Variants in COL9A3 observed in about 807,000 individuals in gnomAD.
COL9A3 encodes collagen alpha-3(IX) chain.
A neutral mutation model predicts 110.2 loss-of-function variants in COL9A3; 82 were observed. The ratio of observed to expected loss-of-function variants is 0.74; its 90% confidence interval spans 0.62 to 0.89. The LOEUF (loss-of-function observed/expected upper bound fraction) is 0.89. COL9A3 is among the 40% of genes least tolerant of loss of function. The pLI is 0.00. For synonymous variants in COL9A3, 494 were observed against 403.8 expected, an observed-to-expected ratio of 1.22 and a Z score of -2.68; for missense variants, 1,066 against 981.3, an observed-to-expected ratio of 1.09 and a Z score of -1.15.
chr20:62,840,568 AAGGACGGCC>A lies in COL9A3; in HGVS notation c.1899_1907del (p.Gln634_Gly636del). 11 of 1,612,538 alleles carry A rather than the reference AAGGACGGCC, an allele frequency of 6.8e-6. No homozygotes were observed. Among genetic ancestry groups the A allele is most frequent in the Non-Finnish European group, 9.3e-6 (11 of 1,179,868 alleles). ...ACCCCAAGGCGTGCCCGGCACCAGCAAGGACGGCCAGGACGGTGCTCCCGGCGAGCCTGG... is the reference window on the plus strand; with the variant it reads ...ACCCCAAGGCGTGCCCGGCACCAGCAAGGACGGTGCTCCCGGCGAGCCTGG... On this transcript the variant is annotated inframe_deletion, in exon 32 of 32. Transcript: ENST00000649368.
intron 30 of COL9A3, 94 bp downstream of exon 30, chr20:62,837,359 C>T: frequency 1.4e-6 from 2 of 1,383,008 alleles, no homozygotes; most frequent in African/African-American, 1.4e-5. Flanking sequence ...TGCCATGCGC[C>T]CTCAGGGGTA....
Position 62,817,139 on chromosome 20 carries a change from G to T in COL9A3, c.75G>T (p.Ala25=). 5.7e-6 allele frequency: 8 copies of T among 1,394,178 alleles called. No homozygotes were observed. The highest frequency in any genetic ancestry group is 7.5e-6 in the Non-Finnish European group (8 of 1,068,384). The allele number at this position is 1,394,178 out of a possible 1,614,324, so 86.4% of individuals were successfully genotyped here. A position where few individuals can be genotyped will look rare whatever the true frequency, so the allele number is the denominator to read the frequency against. ...GGGAGCTTCTGGCGGCCGCCGGGGC[G>T]CAGGTGAGCGCGAGCTCCGGGCTCT... ...LLGELLAAAG[A]QRVGLPGPPG... The change falls in exon 1 of 32, where the codon GCG becomes GCT. Residue 25 remains alanine (A), a synonymous_variant. Coordinates refer to ENST00000649368, the MANE Select transcript of COL9A3 (RefSeq NM_001853.4).
rs374005910 is a variant in COL9A3, at chr20:62,820,306, C to T, written c.309+324C>T. ...CCCAGGGCCCTGGGCAGACCACCAC[C>T]AGGGACCCCCGGGCACGCAGCCTGC... On this transcript the variant is annotated intron_variant, in intron 5 of 31. Transcript: ENST00000649368. 1.1e-4 allele frequency among the ~76,000 whole-genome samples: 17 copies of T among 152,120 alleles called. No homozygotes were observed. The East Asian group carries it at 2.3e-3, about 21-fold the overall frequency.
rs1568755159 is a variant in COL9A3 at position 62,826,758 on chromosome 20, C to T, written c.739-9C>T. On this transcript the variant is annotated splice_polypyrimidine_tract_variant and intron_variant, in intron 14 of 31. Coordinates refer to ENST00000649368, the MANE Select transcript of COL9A3 (RefSeq NM_001853.4). ...CAAGAGGACCCCGGATCCCCTCTCTCCTCTGCAGGGTCCCATTGGGTTCCG... is the reference window on the plus strand; with the variant it reads ...CAAGAGGACCCCGGATCCCCTCTCTTCTCTGCAGGGTCCCATTGGGTTCCG... The T allele has an allele frequency of 9.3e-6, 15 of 1,612,652 alleles. No individual in the cohort carries two copies. Among genetic ancestry groups the T allele is most frequent in the Non-Finnish European group, 1.2e-5 (14 of 1,179,896 alleles).
In COL9A3 at chr20:62,840,923, A is replaced by C; in HGVS notation, c.*191A>C. 4 of 615,910 alleles carry C rather than the reference A, an allele frequency of 6.5e-6. No homozygotes were observed. Among genetic ancestry groups the C allele is most frequent in the Non-Finnish European group, 1.2e-5 (4 of 341,072 alleles). 38.2% of individuals were successfully genotyped at this position (615,910 alleles called of 1,614,324 possible). ...GCTGTCGCCTGACAGCATACCTCAA[A>C]AGGCCCTAGCTAATAAACCTGTAAG... On this transcript the variant is annotated 3_prime_UTR_variant, in exon 32 of 32. Coordinates refer to ENST00000649368, the MANE Select transcript of COL9A3 (RefSeq NM_001853.4).
At chr20:62,825,980 G>A (rs2063549225) in intron 13 of COL9A3, 110 bp downstream of exon 13, 2 of 1,299,470 alleles carry the variant, frequency 1.5e-6, no homozygotes, top group Non-Finnish European at 2.1e-6. Context: ...GGGGGTGTTT[G>A]GCCAACACCC....
At chr20:62,826,320 C>T (rs1229595498) in intron 14 of COL9A3, 63 bp downstream of exon 14, 2 of 1,435,260 alleles carry the variant, frequency 1.4e-6, no homozygotes, top group African/African-American at 2.8e-5. Context: ...GTCTGCACCT[C>T]CAGACTTCAG....
At chr20:62,837,321 C>CT (rs960956912) in intron 30 of COL9A3, 56 bp downstream of exon 30, 2 of 1,564,482 alleles carry the variant, frequency 1.3e-6, no homozygotes, top group Non-Finnish European at 8.7e-7. Context: ...CTGAGACTGA[C>CT]TTGTTAGTAG....
At chr20:62,840,479 T>C (rs2147235432) in intron 31 of COL9A3, 63 bp from the exon 32 acceptor site, 2 of 1,454,452 alleles carry the variant, frequency 1.4e-6, no homozygotes, top group Non-Finnish European at 1.9e-6. Context: ...CACAGCTGGA[T>C]GTCAAGTCCC....
intron 16 of COL9A3, among the ~76,000 whole-genome samples, chr20:62,827,591 G>A (rs572357366): frequency 5.9e-5 from 9 of 152,302 alleles, no homozygotes; most frequent in South Asian, 2.1e-4. Context: ...AACGGCTCTC[G>A]GGTTGAGCAA....
intron 29 of COL9A3, 33 bp downstream of exon 29, chr20:62,836,565 G>GC: frequency 1.4e-6 from 2 of 1,422,614 alleles, no homozygotes; most frequent in South Asian, 2.3e-5. Context: ...CTGCAGCGGG[G>GC]CCCATCCCCG....
chr20:62,816,980 G>C (rs1990941369), upstream of COL9A3: 1 of 774,978 alleles, frequency 1.3e-6, no homozygotes, highest in Non-Finnish European at 1.7e-6. Context: ...GGGCGGGAAG[G>C]GGAAGGGGAA....
At chr20:62,828,322 G>C (rs560501635) in intron 17 of COL9A3, among the ~76,000 whole-genome samples, 65 of 152,344 alleles carry the variant, frequency 4.3e-4, no homozygotes, top group Admixed American at 1.8e-3. Flanking sequence ...CCAGACCTGA[G>C]CTCCCTTCTA....
intron 31 of COL9A3, among the ~76,000 whole-genome samples, 190 bp downstream of exon 31, chr20:62,838,951 G>A (rs574472637): frequency 4.6e-5 from 7 of 152,180 alleles, no homozygotes; most frequent in African/African-American, 1.4e-4. Context: ...GGGGCTGGGC[G>A]CGGTGGCTTA....
intron 16 of COL9A3, 149 bp from the exon 17 acceptor site, chr20:62,827,774 C>A: frequency 1.3e-6 from 1 of 798,366 alleles, no homozygotes; most frequent in Non-Finnish European, 2.2e-6. Flanking sequence ...GTTTTCTCCA[C>A]GCACCCACAG....
chr20:62,835,782 C>A (rs894908571), intron 26 of COL9A3, 139 bp from the exon 27 acceptor site: 2 of 863,854 alleles, frequency 2.3e-6, no homozygotes, highest in Non-Finnish European at 3.9e-6. Flanking sequence ...TATAGAAGAA[C>A]GGAAGGAACC....
intron 16 of COL9A3, among the ~76,000 whole-genome samples, 197 bp from the exon 17 acceptor site, chr20:62,827,726 C>T (rs550229800): frequency 1.3e-5 from 2 of 152,338 alleles, no homozygotes; most frequent in South Asian, 2.1e-4. Context: ...TGCAGGGAGC[C>T]GCCGTGCCGT....
Position 62,830,592 on chromosome 20 carries a change from A to G in COL9A3, c.1287+4A>G, listed in dbSNP as rs754929176. On this transcript the variant is annotated splice_donor_region_variant and intron_variant, in intron 24 of 31. Transcript: ENST00000649368. ...CCGAGGTGACGTGGGCGACCGGGTA[A>G]GTGGCCCTCTCAGCAGGAAGCTCCC... The G allele has an allele frequency of 6.3e-7, 1 of 1,594,238 alleles. No homozygotes were observed. The highest frequency in any genetic ancestry group is 1.7e-5 in the Admixed American group (1 of 57,554).
Position 62,825,674 on chromosome 20 carries a change from T to A in COL9A3, c.631-143T>A, listed in dbSNP as rs2063546598. ...ACTGCTCTGGAACTGTGGGCAAGTG[T>A]CCCCTTCACAGAGCCTCCAAGGCCC... On this transcript the variant is annotated intron_variant, in intron 12 of 31. Transcript: ENST00000649368. 1.8e-5 allele frequency: 15 copies of A among 812,784 alleles called. No individual in the cohort carries two copies. In the South Asian group the frequency reaches 2.2e-4, roughly 12 times the overall value. 50.3% of individuals were successfully genotyped at this position (812,784 alleles called of 1,614,324 possible). A position where few individuals can be genotyped will look rare whatever the true frequency, so the allele number is the denominator to read the frequency against.
Sources: gnomAD v4.1 joint callset for allele counts (sites outside exome capture counted in the v4.1 genomes callset) on GRCh38, gnomAD v4.1.1 for gene constraint, MANE v1.5 for transcripts, NCBI Gene and HGNC (gene_info 2026-07-23, HGNC 2026-07-21) for gene names.